Variants in CNBD1 observed in about 807,000 individuals in gnomAD.
CNBD1 encodes the protein cyclic nucleotide-binding domain-containing protein 1.
A neutral mutation model predicts 54.4 loss-of-function variants in CNBD1; 71 were observed. The observed-to-expected ratio is 1.30, with a 90% CI of 1.08 to 1.59. CNBD1 has a LOEUF of 1.59. Ranked by LOEUF, CNBD1 falls within the 40% of genes most tolerant of loss-of-function variation. The probability of loss-of-function intolerance (pLI) is 0.00; values close to 1 mark genes in which losing one functional copy is unlikely to be tolerated. For synonymous variants in CNBD1, 182 were observed against 170.7 expected (o/e 1.07, Z -0.51); for missense variants, 659 against 518.0 (o/e 1.27, Z -2.64).
At position 87,321,326 on chromosome 8, in the gene CNBD1, C is replaced by A. The variant is rs192678302; in HGVS notation, c.1043-30359C>A. Among the ~76,000 whole-genome samples the A allele has an allele frequency of 2.0e-4, 30 of 152,260 alleles. 3 individuals carry two copies. Among genetic ancestry groups the A allele is most frequent in the Admixed American group, 1.4e-3 (22 of 15,290 alleles). On this transcript the variant is annotated intron_variant, in intron 8 of 10. Transcript: ENST00000518476. ...TGCACGAGTTTCAATTTCAACATGT[C>A]CTTACCAATTTGTAGTTTTCTGGTT...
intron 4 of CNBD1, among the ~76,000 whole-genome samples, chr8:86,983,643 A>G (rs758745048): frequency 1.3e-5 from 2 of 152,192 alleles, no homozygotes; most frequent in Non-Finnish European, 2.9e-5. Context: ...ACTAGAGCAA[A>G]GACAACTCTT....
rs200910281 is a variant in CNBD1, at chr8:87,354,839, C to T, written c.1303+1053C>T. Among the ~76,000 whole-genome samples, 6 of 152,100 alleles carry T rather than the reference C, an allele frequency of 3.9e-5. No individual in the cohort carries two copies. The East Asian group carries it at 9.7e-4, about 24-fold the overall frequency. On this transcript the variant is annotated intron_variant, in intron 10 of 10. Transcript: ENST00000518476. ...CATTTGGGTTGGTTCCAAGTCTTTG[C>T]TATTGTGAATAGTGCCGCAATAACA...
chr8:87,203,248 AAC>A (rs1473697703), intron 4 of CNBD1, among the ~76,000 whole-genome samples: 1 of 152,216 alleles, frequency 6.6e-6, no homozygotes, highest in Non-Finnish European at 1.5e-5. Flanking sequence ...CATAGGCACA[AAC>A]ACACATGTAT....
In CNBD1 at chr8:87,237,825, G is replaced by A. The variant is rs113413779; in HGVS notation, c.771+713G>A. ...AATCCAGAACTAATATCATATTCAA[G>A]AGAAATAAGCATGGATCATATCCAG... On this transcript the variant is annotated intron_variant, in intron 6 of 10. Transcript: ENST00000518476. Among the ~76,000 whole-genome samples the A allele has an allele frequency of 3.2e-4, 48 of 152,162 alleles. 1 individual carries two copies. Among genetic ancestry groups the A allele is most frequent in the African/African-American group, 9.9e-4 (41 of 41,534 alleles).
At chr8:87,211,569 T>C (rs1415499112) in intron 5 of CNBD1, among the ~76,000 whole-genome samples, 1 of 152,154 alleles carries the variant, frequency 6.6e-6, no homozygotes, top group Non-Finnish European at 1.5e-5. Flanking sequence ...TGATAGTGAG[T>C]GAGTTCTCAC....
At chr8:87,253,691 A>G (rs1265970822) in intron 6 of CNBD1, among the ~76,000 whole-genome samples, 1 of 152,202 alleles carries the variant, frequency 6.6e-6, no homozygotes, top group Non-Finnish European at 1.5e-5. Flanking sequence ...ATAGATTGAC[A>G]AACTAGAACT....
At chr8:87,059,499 G>A (rs557263416) in intron 4 of CNBD1, among the ~76,000 whole-genome samples, 1 of 152,308 alleles carries the variant, frequency 6.6e-6, no homozygotes, top group Admixed American at 6.5e-5. Flanking sequence ...TTGACTCACA[G>A]TTCTGCAGAG....
chr8:87,354,091 C>A (rs1355319358), intron 10 of CNBD1, among the ~76,000 whole-genome samples: 1 of 152,086 alleles, frequency 6.6e-6, no homozygotes, highest in Non-Finnish European at 1.5e-5. Context: ...TCCAGGACCA[C>A]CCTGAACTGA....
intron 4 of CNBD1, among the ~76,000 whole-genome samples, chr8:87,115,695 A>G (rs1265120458): frequency 1.3e-5 from 2 of 152,166 alleles, no homozygotes; most frequent in African/African-American, 4.8e-5. Context: ...TTGAGAGCCT[A>G]AAAAAGATGG....
At chr8:87,408,080 T>G (rs867640838) in intron 2 of CNBD1, among the ~76,000 whole-genome samples, 8 of 152,098 alleles carry the variant, frequency 5.3e-5, no homozygotes, top group Admixed American at 2.0e-4. Flanking sequence ...CTGTATTATC[T>G]TCTAGATATT....
chr8:87,338,994 G>A (rs1045007488), intron 8 of CNBD1, among the ~76,000 whole-genome samples: 2 of 151,930 alleles, frequency 1.3e-5, no homozygotes, highest in African/African-American at 2.4e-5. Context: ...CTTCCTTTAG[G>A]TGGGACCAGA....
At chr8:87,361,420 A>G (rs1428146354) in intron 10 of CNBD1, among the ~76,000 whole-genome samples, 2 of 151,876 alleles carry the variant, frequency 1.3e-5, no homozygotes, top group African/African-American at 2.4e-5. Context: ...GAACAGAGGA[A>G]AATGAAATAA....
rs1054330484 is a variant in CNBD1 at position 86,953,647 on chromosome 8, G to A, written c.431+13893G>A. On this transcript the variant is annotated intron_variant, in intron 4 of 10. Transcript: ENST00000518476. ...TTTGGGAGGCCGAGGTGGGTGGATC[G>A]CCTGAGATCAGGAGTTCAAGACTAG... Among the ~76,000 whole-genome samples, 4 of 152,056 alleles carry A rather than the reference G, an allele frequency of 2.6e-5. 1 individual carries two copies. The South Asian group carries it at 6.2e-4, about 24-fold the overall frequency.
chr8:87,135,671 T>A lies in CNBD1; in HGVS notation c.432-70322T>A, dbSNP rs1241329541. ...TATCCTATATATAATATAATGCATA[T>A]AATATATATGCAATTTAAAATGATT... is the stretch of plus-strand genomic sequence containing the variant. On this transcript the variant is annotated intron_variant, in intron 4 of 10. Transcript: ENST00000518476. Among the ~76,000 whole-genome samples the A allele has an allele frequency of 6.7e-5, 10 of 148,400 alleles. No individual in the cohort carries two copies. The East Asian group carries it at 1.4e-3, about 20-fold the overall frequency.
intron 2 of CNBD1, among the ~76,000 whole-genome samples, chr8:87,416,205 A>G (rs1807831214): frequency 6.6e-6 from 1 of 152,062 alleles, no homozygotes; most frequent in Non-Finnish European, 1.5e-5. Flanking sequence ...CAGGAATGTA[A>G]TAAACCTCTT....
At chr8:86,881,213 A>G (rs1808601508) in intron 1 of CNBD1, among the ~76,000 whole-genome samples, 1 of 152,228 alleles carries the variant, frequency 6.6e-6, no homozygotes, top group South Asian at 2.1e-4. Context: ...AGGGTATTCA[A>G]ATAGTAAGAG....
intron 8 of CNBD1, among the ~76,000 whole-genome samples, chr8:87,342,132 G>T (rs1353367550): frequency 6.6e-6 from 1 of 152,130 alleles, no homozygotes; most frequent in Non-Finnish European, 1.5e-5. Context: ...AATTAGCCGG[G>T]CATGGTGGCA....
chr8:87,145,137 G>C (rs2130742551), intron 4 of CNBD1, among the ~76,000 whole-genome samples: 1 of 152,196 alleles, frequency 6.6e-6, no homozygotes, highest in African/African-American at 2.4e-5. Context: ...TTTTTATTTA[G>C]GTGCTTTTTA....
chr8:87,171,950 C>T (rs547356450), intron 4 of CNBD1, among the ~76,000 whole-genome samples: 5 of 152,008 alleles, frequency 3.3e-5, no homozygotes, highest in Admixed American at 2.0e-4. Context: ...AGATTTTCTT[C>T]GCTTTTGACT....
Sources: gnomAD v4.1 joint callset for allele counts (sites outside exome capture counted in the v4.1 genomes callset) on GRCh38, gnomAD v4.1.1 for gene constraint, MANE v1.5 for transcripts, NCBI Gene and HGNC (gene_info 2026-07-23, HGNC 2026-07-21) for gene names.